SNX6: variants seen among roughly 807,000 people sequenced by gnomAD.
The protein encoded by SNX6 is sorting nexin 6.
In SNX6, 34 loss-of-function variants were observed where a neutral mutation model predicts 63.0. That is an observed-to-expected ratio of 0.54 (90% CI 0.41 to 0.72). The LOEUF (loss-of-function observed/expected upper bound fraction) is 0.72. Ranked by LOEUF, SNX6 falls within the 30% of genes least tolerant of loss-of-function variation. The pLI is 0.00. For synonymous variants in SNX6, 170 were observed against 164.2 expected, an observed-to-expected ratio of 1.04 and a Z score of -0.27; for missense variants, 398 against 471.4, an observed-to-expected ratio of 0.84 and a Z score of 1.44.
In SNX6 at chr14:34,608,113, C is replaced by T. The variant is rs777978976; in HGVS notation, c.187G>A (p.Glu63Lys). The change falls in exon 4 of 14, where the codon GAG becomes AAG. Residue 63 changes from glutamate to lysine, a missense_variant. Coordinates refer to ENST00000362031, the MANE Select transcript of SNX6 (RefSeq NM_152233.4). ...TCATGTTGCCGAACAACTGAAAACT[C>T]GTTTTGTTTAAAATTTGGCAATGAA... ...KSSLPNFKQNEFSVVRQHEEF... is the reference protein window; with the variant it reads ...KSSLPNFKQNKFSVVRQHEEF... 5.6e-6 allele frequency: 9 copies of T among 1,606,100 alleles called. No homozygotes were observed. Among genetic ancestry groups the T allele is most frequent in the South Asian group, 1.1e-5 (1 of 89,462 alleles).
At chr14:34,594,855 G>C (rs1189795121) in intron 7 of SNX6, among the ~76,000 whole-genome samples, 1 of 151,946 alleles carries the variant, frequency 6.6e-6, no homozygotes, top group Non-Finnish European at 1.5e-5. Flanking sequence ...CCAGCACTTT[G>C]GGGAGGCCGA....
rs191387932 is a variant in SNX6 at position 34,620,445 on chromosome 14, C to T, written c.54+9462G>A. 9.2e-5 allele frequency among the ~76,000 whole-genome samples: 14 copies of T among 152,188 alleles called. No homozygotes were observed. In the South Asian group the frequency reaches 1.2e-3, roughly 14 times the overall value. ...GCAGTGAGCTGTGATGGTGCCACTA[C>T]ATGCCAGCCTGGGCAACAGAGCAAG... On this transcript the variant is annotated intron_variant, in intron 2 of 13. Coordinates refer to ENST00000362031, the MANE Select transcript of SNX6 (RefSeq NM_152233.4).
chr14:34,618,445 G>A (rs1257027012), intron 2 of SNX6, among the ~76,000 whole-genome samples: 1 of 152,128 alleles, frequency 6.6e-6, no homozygotes, highest in Non-Finnish European at 1.5e-5. Flanking sequence ...CTGCCTTTCT[G>A]ATTCAAGCAA....
chr14:34,587,335 A>G (rs1378525535), intron 8 of SNX6, among the ~76,000 whole-genome samples: 1 of 151,870 alleles, frequency 6.6e-6, no homozygotes, highest in Admixed American at 6.6e-5. Context: ...GATTGAGACC[A>G]TCCTGGCTAA....
chr14:34,588,019 TC>T (rs1882246111), intron 8 of SNX6, among the ~76,000 whole-genome samples: 1 of 148,474 alleles, frequency 6.7e-6, no homozygotes, highest in Non-Finnish European at 1.5e-5. Flanking sequence ...TTTTTTTTTT[TC>T]TTTTTGAGAC....
intron 2 of SNX6, among the ~76,000 whole-genome samples, chr14:34,610,722 T>A (rs1883196101): frequency 6.6e-6 from 1 of 152,148 alleles, no homozygotes; most frequent in South Asian, 2.1e-4. Context: ...ACTTCATCTG[T>A]TTTTCTTACT....
intron 2 of SNX6, among the ~76,000 whole-genome samples, chr14:34,626,516 T>G (rs1399219835): frequency 2.0e-5 from 3 of 150,094 alleles, no homozygotes; most frequent in Admixed American, 6.7e-5. Context: ...TGCAAAAAAT[T>G]AGCCGGGCAC....
At chr14:34,581,051 T>G (rs1216169319) in intron 10 of SNX6, among the ~76,000 whole-genome samples, 1 of 152,232 alleles carries the variant, frequency 6.6e-6, no homozygotes, top group Non-Finnish European at 1.5e-5. Flanking sequence ...TTCATCATCC[T>G]TCTGAAGTAC....
intron 11 of SNX6, among the ~76,000 whole-genome samples, chr14:34,574,722 T>C (rs986254030): frequency 6.6e-6 from 1 of 151,486 alleles, no homozygotes; most frequent in Admixed American, 6.6e-5. Flanking sequence ...ATATACCAAA[T>C]TCATTTTTTT....
chr14:34,574,380 G>T (rs1270052112), intron 11 of SNX6, among the ~76,000 whole-genome samples: 1 of 150,370 alleles, frequency 6.7e-6, no homozygotes, highest in Non-Finnish European at 1.5e-5. Context: ...CGCAGTATGT[G>T]GCTCATGCCT....
At chr14:34,594,350 T>C (rs1882518526) in intron 7 of SNX6, among the ~76,000 whole-genome samples, 1 of 150,328 alleles carries the variant, frequency 6.7e-6, no homozygotes, top group Non-Finnish European at 1.5e-5. Flanking sequence ...ACATTAAAAA[T>C]AAAAATTATT....
Position 34,562,073 on chromosome 14 carries a change from T to TC in SNX6, c.*1048dup, listed in dbSNP as rs1880949944. 1 of 145,122 alleles carries TC rather than the reference T, an allele frequency of 6.9e-6. No homozygotes were observed. Among genetic ancestry groups the TC allele is most frequent in the Non-Finnish European group, 1.5e-5 (1 of 66,936 alleles). The allele number at this position is 145,122 out of a possible 1,614,324, so 9.0% of individuals were successfully genotyped here. On this transcript the variant is annotated 3_prime_UTR_variant, in exon 14 of 14. Coordinates refer to ENST00000362031, the MANE Select transcript of SNX6 (RefSeq NM_152233.4). ...TCATCTCAAGTATTCTGCTTTTCTT[T>TC]CCCCACAGACAAACAAGTGTTGTTC...
chr14:34,617,277 C>T (rs1189258852), intron 2 of SNX6, among the ~76,000 whole-genome samples: 1 of 152,086 alleles, frequency 6.6e-6, no homozygotes, highest in Admixed American at 6.6e-5. Context: ...GATTAAGTAA[C>T]ATAAATGTAC....
chr14:34,607,704 T>C (rs1298715069), intron 4 of SNX6, among the ~76,000 whole-genome samples: 5 of 152,070 alleles, frequency 3.3e-5, no homozygotes, highest in African/African-American at 1.2e-4. Flanking sequence ...GGTTAAGAGT[T>C]CAAGACCAGC....
chr14:34,612,687 G>T (rs1883277073), intron 2 of SNX6, among the ~76,000 whole-genome samples: 2 of 151,856 alleles, frequency 1.3e-5, no homozygotes, highest in South Asian at 4.2e-4. Flanking sequence ...ACCTGCCTCA[G>T]CCTCCCAAAG....
intron 11 of SNX6, chr14:34,569,134 C>T (rs1275184058): frequency 2.3e-5 from 19 of 843,590 alleles, no homozygotes; most frequent in Admixed American, 3.4e-5. Flanking sequence ...AGGCATCATG[C>T]GGCCCGGCCT....
chr14:34,576,688 A>G (rs1047365757), intron 10 of SNX6, among the ~76,000 whole-genome samples: 3 of 151,380 alleles, frequency 2.0e-5, no homozygotes, highest in Non-Finnish European at 2.9e-5. Context: ...ACCTCAAATG[A>G]TCCTCCTGCC....
chr14:34,604,216 C>A, intron 5 of SNX6: 1 of 1,288,708 alleles, frequency 7.8e-7, no homozygotes, highest in Non-Finnish European at 1.0e-6. Context: ...AAGAAGGATG[C>A]AGAGGATGGA....
At chr14:34,611,741 A>T (rs1594743300) in intron 2 of SNX6, among the ~76,000 whole-genome samples, 1 of 110,988 alleles carries the variant, frequency 9.0e-6, no homozygotes, top group Non-Finnish European at 1.8e-5. Flanking sequence ...ACAGTAAGAC[A>T]CTGTCTCAAA....
Sources: allele counts gnomAD v4.1 joint callset (sites outside exome capture counted in the v4.1 genomes callset), GRCh38; gene constraint gnomAD v4.1.1; transcripts MANE v1.5; gene names NCBI Gene and HGNC (gene_info 2026-07-23, HGNC 2026-07-21).